OXGR1: variants seen among roughly 807,000 people sequenced by gnomAD.
The protein encoded by OXGR1 is oxoglutarate receptor 1, also known as 2-oxoglutarate receptor 1.
A neutral mutation model predicts 10.0 loss-of-function variants in OXGR1; 10 were observed. That is an observed-to-expected ratio of 1.00 (90% CI 0.62 to 1.70). The LOEUF is 1.70. Ranked by LOEUF, OXGR1 falls within the 40% of genes most tolerant of loss-of-function variation. The pLI is 0.00. For synonymous variants in OXGR1, 191 were observed against 155.9 expected (o/e 1.22, Z -1.68); for missense variants, 398 against 407.6 (o/e 0.98, Z 0.20).
chr13:96,987,217 T>C lies in OXGR1; in HGVS notation c.543A>G (p.Ser181=), dbSNP rs1389686104. The part of the protein sequence containing the change: ...LITSTNRTNR[S]ACLDLTSSDE... The stretch of plus-strand genomic sequence containing the variant: ...CCGAACTGGTGAGGTCGAGACAGGC[T>C]GATCTGTTGGTCCTGTTGGTTGATG... Residue 181 remains serine, a synonymous_variant, in exon 4 of 4, where the codon TCA becomes TCG. Coordinates refer to ENST00000541038, the MANE Select transcript of OXGR1 (RefSeq NM_001346194.2). 2.5e-6 allele frequency: 4 copies of C among 1,614,112 alleles called. No homozygotes were observed. Among genetic ancestry groups the C allele is most frequent in the East Asian group, 2.2e-5 (1 of 44,890 alleles).
At chr13:96,991,362 C>A (rs937448179) in intron 2 of OXGR1, among the ~76,000 whole-genome samples, 1 of 152,202 alleles carries the variant, frequency 6.6e-6, no homozygotes, top group African/African-American at 2.4e-5. Flanking sequence ...CAACTCAGAA[C>A]ACCAGATGGT....
chr13:96,987,505 G>T lies in OXGR1; in HGVS notation c.255C>A (p.Ser85Arg). ...LACTDLLYLTSLPFLIHYYAS... is the reference protein window; with the variant it reads ...LACTDLLYLTRLPFLIHYYAS... ...CATAGTAGTGAATCAGGAAGGGGAG[G>T]CTGGTCAGATACAGCAGATCTGTGC... is the stretch of plus-strand genomic sequence containing the variant. The change falls in exon 4 of 4, where the codon AGC becomes AGA. Residue 85 changes from serine to arginine, a missense_variant. By Grantham distance (110) the Ser-to-Arg change is moderately radical. Coordinates refer to ENST00000541038, the MANE Select transcript of OXGR1 (RefSeq NM_001346194.2). 6.2e-7 allele frequency: 1 copy of T among 1,614,196 alleles called. No individual in the cohort carries two copies. Among genetic ancestry groups the T allele is most frequent in the Non-Finnish European group, 8.5e-7 (1 of 1,180,016 alleles).
Position 96,987,710 on chromosome 13 carries a change from T to C in OXGR1, c.50A>G (p.Tyr17Cys), listed in dbSNP as rs567449785. 5.6e-6 allele frequency: 9 copies of C among 1,611,130 alleles called. No individual in the cohort carries two copies. In the African/African-American group the frequency reaches 8.0e-5, roughly 14 times the overall value. ...YLANASDFPD[Y>C]AAAFGNCTDE... ...AGTGCAATTTCCAAAAGCAGCTGCA[T>C]AATCGGGGAAATCAGAAGCATTTGC... Residue 17 changes from tyrosine (Y) to cysteine (C), a missense_variant, in exon 4 of 4, where the codon TAT becomes TGT. Coordinates refer to ENST00000541038, the MANE Select transcript of OXGR1 (RefSeq NM_001346194.2).
At position 96,987,511 on chromosome 13, in the gene OXGR1, C is replaced by T; in HGVS notation, c.249G>A (p.Leu83=). ...LNLACTDLLY[L]TSLPFLIHYY... ...AGTGAATCAGGAAGGGGAGGCTGGT[C>T]AGATACAGCAGATCTGTGCAGGCCA... The change falls in exon 4 of 4, where the codon CTG becomes CTA. Residue 83 remains leucine (L), a synonymous_variant. Coordinates refer to ENST00000541038, the MANE Select transcript of OXGR1 (RefSeq NM_001346194.2). The T allele has an allele frequency of 6.2e-7, 1 of 1,614,106 alleles. No individual in the cohort carries two copies. The highest frequency in any genetic ancestry group is 8.5e-7 in the Non-Finnish European group (1 of 1,180,018).
chr13:96,988,823 A>G (rs1456245096), intron 3 of OXGR1, among the ~76,000 whole-genome samples: 1 of 152,206 alleles, frequency 6.6e-6, no homozygotes, highest in Non-Finnish European at 1.5e-5. Flanking sequence ...TGAGAAAAGT[A>G]CATCTAGAAG....
At chr13:96,988,310 C>T (rs1163121061) in intron 3 of OXGR1, among the ~76,000 whole-genome samples, 1 of 152,076 alleles carries the variant, frequency 6.6e-6, no homozygotes, top group Non-Finnish European at 1.5e-5. Context: ...CATCTAGGGG[C>T]TTAGCTGGGA....
At chr13:96,990,145 T>C (rs978900092) in intron 2 of OXGR1, among the ~76,000 whole-genome samples, 2 of 152,076 alleles carry the variant, frequency 1.3e-5, no homozygotes, top group African/African-American at 4.8e-5. Flanking sequence ...CCAGTGAGAG[T>C]GCTCTGAAGC....
At chr13:96,991,556 A>G (rs956353211) in intron 2 of OXGR1, among the ~76,000 whole-genome samples, 1 of 152,236 alleles carries the variant, frequency 6.6e-6, no homozygotes. Flanking sequence ...AACCAAAAAT[A>G]TAAGTGTGAA....
intron 2 of OXGR1, among the ~76,000 whole-genome samples, chr13:96,990,830 T>A (rs1290064988): frequency 6.6e-6 from 1 of 150,952 alleles, no homozygotes; most frequent in Non-Finnish European, 1.5e-5. Flanking sequence ...ATGCCTATAG[T>A]CCCAGCTACT....
In OXGR1 at chr13:96,987,499, G is replaced by A. The variant is rs778836699; in HGVS notation, c.261C>T (p.Pro87=). ...CACTGGCATAGTAGTGAATCAGGAA[G>A]GGGAGGCTGGTCAGATACAGCAGAT... The part of the protein sequence containing the change: ...CTDLLYLTSL[P]FLIHYYASGE... Residue 87 remains proline, a synonymous_variant, in exon 4 of 4, where the codon CCC becomes CCT. Coordinates refer to ENST00000541038, the MANE Select transcript of OXGR1 (RefSeq NM_001346194.2). 8.1e-6 allele frequency: 13 copies of A among 1,614,082 alleles called. No individual in the cohort carries two copies. In the South Asian group the frequency reaches 1.1e-4, roughly 14 times the overall value.
intron 3 of OXGR1, among the ~76,000 whole-genome samples, chr13:96,988,422 G>T (rs146767504): frequency 6.6e-6 from 1 of 152,112 alleles, no homozygotes; most frequent in African/African-American, 2.4e-5. Flanking sequence ...CATGATTGCC[G>T]TAAATAACGG....
At position 96,986,883 on chromosome 13, in the gene OXGR1, G is replaced by A. The variant is rs764323001; in HGVS notation, c.877C>T (p.Leu293=). The A allele has an allele frequency of 4.3e-6, 7 of 1,614,084 alleles. No individual in the cohort carries two copies. Among genetic ancestry groups the A allele is most frequent in the Non-Finnish European group, 5.9e-6 (7 of 1,180,048 alleles). ...AGTAACAGGTTACCAAAGGTGTTCA[G>A]AGCAGCTAATGGTCTAGAAACGATG... ...AYIVSRPLAA[L]NTFGNLLLYV... is the part of the protein sequence containing the mutation. Residue 293 remains leucine, a synonymous_variant, in exon 4 of 4, where the codon CTG becomes TTG. Coordinates refer to ENST00000541038, the MANE Select transcript of OXGR1 (RefSeq NM_001346194.2).
At chr13:96,992,970 G>A (rs909555103) in intron 1 of OXGR1, among the ~76,000 whole-genome samples, 1 of 152,168 alleles carries the variant, frequency 6.6e-6, no homozygotes, top group African/African-American at 2.4e-5. Context: ...ACTTTGGGTT[G>A]TCAAAAAGAA....
chr13:96,987,767 T>C lies in OXGR1; in HGVS notation c.-8A>G. On this transcript the variant is annotated 5_prime_UTR_variant, in exon 4 of 4. Coordinates refer to ENST00000541038, the MANE Select transcript of OXGR1 (RefSeq NM_001346194.2). ...GTCTAGTGGCTCATTCATGGTTGTC[T>C]CCTTTCATCTTGCAAGAAAACAAGA... The C allele has an allele frequency of 6.5e-7, 1 of 1,549,702 alleles. No individual in the cohort carries two copies.
chr13:96,993,003 C>T (rs928218630), intron 1 of OXGR1, among the ~76,000 whole-genome samples: 3 of 152,194 alleles, frequency 2.0e-5, no homozygotes, highest in Non-Finnish European at 2.9e-5. Context: ...CTTTCATTCA[C>T]AAAGACTTAC....
chr13:96,992,134 AAAAG>A (rs1424683525), intron 2 of OXGR1, among the ~76,000 whole-genome samples: 2 of 152,130 alleles, frequency 1.3e-5, no homozygotes, highest in Non-Finnish European at 2.9e-5. Context: ...TACAAAAAAA[AAAAG>A]AAAGGTAGAA....
In OXGR1 at chr13:96,987,030, T is replaced by C. The variant is rs1276370855; in HGVS notation, c.730A>G (p.Ile244Val). Residue 244 changes from isoleucine (I) to valine (V), a missense_variant, in exon 4 of 4, where the codon ATT (isoleucine) becomes GTT (valine). Ile to Val is a conservative substitution (Grantham distance 29). Transcript: ENST00000541038. ...CLKQKARRLT[I>V]LLLLAFYVCF... ...ACGTAAAATGCAAGGAGTAGCAGAA[T>C]GGTTAGCCTTCGTGCTTTCTGCTTA... 6.2e-7 allele frequency: 1 copy of C among 1,614,190 alleles called. No homozygotes were observed. Among genetic ancestry groups the C allele is most frequent in the Middle Eastern group, 1.6e-4 (1 of 6,062 alleles).
chr13:96,987,394 G>C lies in OXGR1; in HGVS notation c.366C>G (p.Leu122=). The C allele has an allele frequency of 6.2e-7, 1 of 1,614,204 alleles. No individual in the cohort carries two copies. The highest frequency in any genetic ancestry group is 8.5e-7 in the Non-Finnish European group (1 of 1,180,042). The change falls in exon 4 of 4, where the codon CTC becomes CTG. Residue 122 remains leucine (L), a synonymous_variant. Transcript: ENST00000541038. The part of the protein sequence containing the change: ...SFHFNLYSSI[L]FLTCFSIFRY... ...GGAAGATGCTGAAACAGGTGAGGAA[G>C]AGGATGCTGCTATACAGGTTGAAAT...
Position 96,987,465 on chromosome 13 carries a change from A to C in OXGR1, c.295T>G (p.Trp99Gly). The change falls in exon 4 of 4, where the codon TGG becomes GGG. Residue 99 changes from tryptophan to glycine, a missense_variant. Trp to Gly is a radical substitution (Grantham distance 184). Transcript: ENST00000541038. ...TTACACATGAAATCTCCAAAGATCC[A>C]GTTTTCGCCACTGGCATAGTAGTGA... Reference protein sequence around the residue: ...LIHYYASGENWIFGDFMCKFI... With the variant: ...LIHYYASGENGIFGDFMCKFI... 1 of 1,614,248 alleles carries C rather than the reference A, an allele frequency of 6.2e-7. No individual in the cohort carries two copies. The highest frequency in any genetic ancestry group is 8.5e-7 in the Non-Finnish European group (1 of 1,180,044).
Sources: allele counts gnomAD v4.1 joint callset (sites outside exome capture counted in the v4.1 genomes callset), GRCh38; gene constraint gnomAD v4.1.1; transcripts MANE v1.5; gene names NCBI Gene and HGNC (gene_info 2026-07-23, HGNC 2026-07-21).